MFGE8: variants seen among roughly 807,000 people sequenced by gnomAD.
MFGE8 encodes lactadherin.
In MFGE8, 34 loss-of-function variants were observed where a neutral mutation model predicts 42.6. The ratio of observed to expected loss-of-function variants is 0.80; its 90% confidence interval spans 0.61 to 1.06. The LOEUF (loss-of-function observed/expected upper bound fraction) is 1.06. Ranked by LOEUF, MFGE8 falls within the 50% of genes least tolerant of loss-of-function variation. The probability of loss-of-function intolerance (pLI) is 0.00; values close to 1 mark genes in which losing one functional copy is unlikely to be tolerated. For synonymous variants in MFGE8, 230 were observed against 214.8 expected (o/e 1.07, Z -0.62); for missense variants, 510 against 516.9 (o/e 0.99, Z 0.13).
chr15:88,900,480 G>A (rs1898311478), intron 6 of MFGE8, among the ~76,000 whole-genome samples: 2 of 152,186 alleles, frequency 1.3e-5, no homozygotes. Context: ...CCCACAGTCT[G>A]ACACTGGTCC....
In MFGE8 at chr15:88,906,044, T is replaced by C; in HGVS notation, c.541-143A>G. 1 of 948,992 alleles carries C rather than the reference T, an allele frequency of 1.1e-6. No homozygotes were observed. Among genetic ancestry groups the C allele is most frequent in the Non-Finnish European group, 1.6e-6 (1 of 608,428 alleles). 58.8% of individuals were successfully genotyped at this position (948,992 alleles called of 1,614,324 possible). ...AGGACTTGGAAGAGCCAGCAGAGGCTCACACAGCAGCCTCTCCTTTGGCCA... is the reference window on the plus strand; with the variant it reads ...AGGACTTGGAAGAGCCAGCAGAGGCCCACACAGCAGCCTCTCCTTTGGCCA... On this transcript the variant is annotated intron_variant, in intron 4 of 7. Transcript: ENST00000268150. This position sits in a 1 kb window ranked among gnomAD's most constrained non-coding sequence, Gnocchi z 4.2.
chr15:88,911,851 A>C (rs2141728298), intron 1 of MFGE8, among the ~76,000 whole-genome samples: 1 of 152,260 alleles, frequency 6.6e-6, no homozygotes, highest in Admixed American at 6.5e-5. Flanking sequence ...CAACAACACC[A>C]TTAATGAGCG....
At position 88,901,660 on chromosome 15, in the gene MFGE8, G is replaced by A. The variant is rs1898440392; in HGVS notation, c.761C>T (p.Thr254Ile). ...CCAGCTGAAGAGATGCAAGCCCCAGGTCTTGTAGCTGCTGGAGGCCGTGAT... is the reference window on the plus strand; with the variant it reads ...CCAGCTGAAGAGATGCAAGCCCCAGATCTTGTAGCTGCTGGAGGCCGTGAT... ...KQITASSSYK[T>I]WGLHLFSWNP... is the part of the protein sequence containing the mutation. Residue 254 changes from threonine (T) to isoleucine (I), a missense_variant, in exon 6 of 8, where the codon ACC (threonine) becomes ATC (isoleucine). Coordinates refer to ENST00000268150, the MANE Select transcript of MFGE8 (RefSeq NM_005928.4). 1.9e-6 allele frequency: 3 copies of A among 1,613,832 alleles called. No individual in the cohort carries two copies. In the South Asian group the frequency reaches 3.3e-5, roughly 18 times the overall value.
intron 1 of MFGE8, 68 bp downstream of exon 1, chr15:88,913,179 C>T: frequency 1.4e-6 from 2 of 1,469,678 alleles, no homozygotes; most frequent in Non-Finnish European, 9.0e-7. Context: ...GGAGGGCGGG[C>T]GCCGGGCAAA....
chr15:88,908,761 G>T (rs1161883297), intron 2 of MFGE8, among the ~76,000 whole-genome samples: 7 of 152,128 alleles, frequency 4.6e-5, no homozygotes, highest in Non-Finnish European at 8.8e-5. Context: ...CCTTCCACCA[G>T]GATCTCAAAC....
chr15:88,906,838 C>A lies in MFGE8; in HGVS notation c.388-60G>T. On this transcript the variant is annotated intron_variant, in intron 3 of 7. Coordinates refer to ENST00000268150, the MANE Select transcript of MFGE8 (RefSeq NM_005928.4). The surrounding 1 kb of genome is among the most constrained non-coding windows in gnomAD (Gnocchi z 4.2). ...TCCTGGGTTCTTTCCACTCAAGATC[C>A]AAGCAGACCCATCCCTTCACTCCCC... The A allele has an allele frequency of 6.2e-7, 1 of 1,601,180 alleles. No individual in the cohort carries two copies. Among genetic ancestry groups the A allele is most frequent in the Non-Finnish European group, 8.5e-7 (1 of 1,170,734 alleles).
At position 88,899,217 on chromosome 15, in the gene MFGE8, G is replaced by T; in HGVS notation, c.*178C>A. The stretch of plus-strand genomic sequence containing the variant: ...GGGACGGGGCTTAGGGGCTGGGGCA[G>T]GGCCCGTGAGAGGTGGAGGGTGGGA... On this transcript the variant is annotated 3_prime_UTR_variant, in exon 8 of 8. Coordinates refer to ENST00000268150, the MANE Select transcript of MFGE8 (RefSeq NM_005928.4). The surrounding 1 kb of genome is among the most constrained non-coding windows in gnomAD (Gnocchi z 6.8). 2 of 818,472 alleles carry T rather than the reference G, an allele frequency of 2.4e-6. No individual in the cohort carries two copies. The highest frequency in any genetic ancestry group is 3.9e-6 in the Non-Finnish European group (2 of 514,888). The allele number at this position is 818,472 out of a possible 1,614,324, so 50.7% of individuals were successfully genotyped here. A position where few individuals can be genotyped will look rare whatever the true frequency, so the allele number is the denominator to read the frequency against.
chr15:88,903,144 A>T lies in MFGE8; in HGVS notation c.686-1409T>A, dbSNP rs1303985690. On this transcript the variant is annotated intron_variant, in intron 5 of 7. Coordinates refer to ENST00000268150, the MANE Select transcript of MFGE8 (RefSeq NM_005928.4). This position sits in a 1 kb window ranked among gnomAD's most constrained non-coding sequence, Gnocchi z 4.9. ...CAGGCTAAAACCTGGGCAGCTTTGC[A>T]GAGGACACCAATTCTGCACAATGTG... 6.6e-6 allele frequency: 1 copy of T among 152,292 alleles called. No homozygotes were observed. The highest frequency in any genetic ancestry group is 2.4e-5 in the African/African-American group (1 of 41,452). The allele number at this position is 152,292 out of a possible 1,614,324, so 9.4% of individuals were successfully genotyped here. A position where few individuals can be genotyped will look rare whatever the true frequency, so the allele number is the denominator to read the frequency against.
intron 1 of MFGE8, chr15:88,910,265 G>A (rs1445880977): frequency 5.6e-6 from 2 of 358,808 alleles, no homozygotes; most frequent in Admixed American, 3.8e-5. Flanking sequence ...GCAAGGTCCA[G>A]GGCAGGTCTC....
Position 88,913,331 on chromosome 15 carries a change from G to A in MFGE8, c.-12C>T, listed in dbSNP as rs1899061493. The A allele has an allele frequency of 1.4e-6, 2 of 1,430,920 alleles. No homozygotes were observed. 88.6% of individuals were successfully genotyped at this position (1,430,920 alleles called of 1,614,324 possible). On this transcript the variant is annotated 5_prime_UTR_variant, in exon 1 of 8. Transcript: ENST00000268150. ...CGGGGGCGCGGCATGCTGCGGGGAC[G>A]CGGGCGCTGGAATGGGCACGCTGGG...
rs1898265175 is a variant in MFGE8, at chr15:88,899,577, T to A, written c.1027-45A>T. On this transcript the variant is annotated intron_variant, in intron 7 of 7. Coordinates refer to ENST00000268150, the MANE Select transcript of MFGE8 (RefSeq NM_005928.4). The surrounding 1 kb of genome is among the most constrained non-coding windows in gnomAD (Gnocchi z 6.8). ...CAGGAGGACCCCGAGCCAGCCCCCC[T>A]CCCCTCAGAGCCCCAGGCCAGACTC... The A allele has an allele frequency of 6.2e-7, 1 of 1,613,852 alleles. No homozygotes were observed. Among genetic ancestry groups the A allele is most frequent in the South Asian group, 1.1e-5 (1 of 91,046 alleles).
chr15:88,911,459 A>T (rs1212989999), intron 1 of MFGE8, among the ~76,000 whole-genome samples: 1 of 152,160 alleles, frequency 6.6e-6, no homozygotes, highest in African/African-American at 2.4e-5. Flanking sequence ...ATGGTGGCTC[A>T]CACCTGTAAT....
In MFGE8 at chr15:88,906,151, A is replaced by G. The variant is rs997821811; in HGVS notation, c.541-250T>C. On this transcript the variant is annotated intron_variant, in intron 4 of 7. Transcript: ENST00000268150. This position sits in a 1 kb window ranked among gnomAD's most constrained non-coding sequence, Gnocchi z 4.2. ...GGGCATAAACCCCTATAGCTGACAC[A>G]GGGCCACCTGTAACCTACAGGGTAC... 2 of 568,180 alleles carry G rather than the reference A, an allele frequency of 3.5e-6. No homozygotes were observed. Among genetic ancestry groups the G allele is most frequent in the South Asian group, 4.0e-5 (2 of 49,996 alleles). 35.2% of individuals were successfully genotyped at this position (568,180 alleles called of 1,614,324 possible). A position where few individuals can be genotyped will look rare whatever the true frequency, so the allele number is the denominator to read the frequency against.
intron 5 of MFGE8, chr15:88,904,611 T>G (rs1206262937): frequency 1.3e-5 from 2 of 152,188 alleles, no homozygotes; most frequent in East Asian, 3.9e-4. Context: ...CTCTGTCCTT[T>G]CCCAGTAGCC....
chr15:88,906,682 A>C lies in MFGE8; in HGVS notation c.484T>G (p.Tyr162Asp). 6.2e-7 allele frequency: 1 copy of C among 1,614,054 alleles called. No homozygotes were observed. Among genetic ancestry groups the C allele is most frequent in the Non-Finnish European group, 8.5e-7 (1 of 1,179,962 alleles). The change falls in exon 4 of 8, where the codon TAC becomes GAC. Residue 162 changes from tyrosine to aspartate, a missense_variant. Physicochemically the swap from Tyr to Asp is radical, Grantham distance 160 (BLOSUM62 -3). Coordinates refer to ENST00000268150, the MANE Select transcript of MFGE8 (RefSeq NM_005928.4). This position sits in a 1 kb window ranked among gnomAD's most constrained non-coding sequence, Gnocchi z 4.2. ...TCGAATTCGTGTCCATTAAGGCTGTAGGCCACCTTGAAGGCCTTCAGGTAC... is the reference window on the plus strand; with the variant it reads ...TCGAATTCGTGTCCATTAAGGCTGTCGGCCACCTTGAAGGCCTTCAGGTAC... ...HEYLKAFKVAYSLNGHEFDFI... is the reference protein window; with the variant it reads ...HEYLKAFKVADSLNGHEFDFI...
At chr15:88,909,678 C>T in intron 2 of MFGE8, 114 bp downstream of exon 2, 1 of 1,521,332 alleles carries the variant, frequency 6.6e-7, no homozygotes. Flanking sequence ...TTGACACCTC[C>T]ACTGGGGTGG....
At chr15:88,909,666 C>G (rs919880250) in intron 2 of MFGE8, 126 bp downstream of exon 2, 141 of 1,389,208 alleles carry the variant, frequency 1.0e-4, no homozygotes, top group Non-Finnish European at 1.4e-4. Context: ...CCAGAGGAGG[C>G]CTTGACACCT....
At chr15:88,913,072 C>T (rs1596207789) in intron 1 of MFGE8, 175 bp downstream of exon 1, 1 of 985,300 alleles carries the variant, frequency 1.0e-6, no homozygotes, top group East Asian at 1.1e-4. Flanking sequence ...GACAGCAGGG[C>T]CGCATCCCCC....
At position 88,901,781 on chromosome 15, in the gene MFGE8, C is replaced by G. The variant is rs201692150; in HGVS notation, c.686-46G>C. The G allele has an allele frequency of 1.1e-5, 17 of 1,587,962 alleles. No homozygotes were observed. In the East Asian group the frequency reaches 3.6e-4, roughly 33 times the overall value. ...CATCTGGATCTGGGATCCACAGCTC[C>G]CAGGGGCAGGAGCACAAGGCGATGA... On this transcript the variant is annotated intron_variant, in intron 5 of 7. Transcript: ENST00000268150.
Sources: allele counts gnomAD v4.1 joint callset (sites outside exome capture counted in the v4.1 genomes callset), GRCh38; gene constraint gnomAD v4.1.1; non-coding constraint Gnocchi (gnomAD v3.1); transcripts MANE v1.5; gene names NCBI Gene and HGNC (gene_info 2026-07-23, HGNC 2026-07-21).